The following PXDNL variants were observed in gnomAD, a reference collection of about 807,000 sequenced individuals.
The protein encoded by PXDNL is probable oxidoreductase PXDNL.
Under a neutral mutation model 150.8 loss-of-function variants are expected in PXDNL, and 145 were observed. The observed-to-expected ratio is 0.96, with a 90% CI of 0.84 to 1.10. The LOEUF is 1.10. Among genes scored for constraint, PXDNL ranks in the 50% least tolerant of loss-of-function variants. The pLI is 0.00. For missense variants in PXDNL, 2,087 were observed against 1,873.9 expected (o/e 1.11, Z -2.10); for synonymous variants, 757 against 725.7 (o/e 1.04, Z -0.69).
At chr8:51,809,089 T>C in intron 1 of PXDNL, 92 bp downstream of exon 1, 2 of 1,309,114 alleles carry the variant, frequency 1.5e-6, no homozygotes, top group South Asian at 1.3e-5. Context: ...AGGGAGAGCA[T>C]TAGGAATCGT....
intron 2 of PXDNL, among the ~76,000 whole-genome samples, chr8:51,640,387 T>C (rs1196246310): frequency 2.6e-5 from 4 of 152,128 alleles, no homozygotes; most frequent in Non-Finnish European, 1.5e-5. Context: ...TAAAGGGTAT[T>C]CAATTAGGAA....
chr8:51,584,685 A>G (rs1339271730), intron 3 of PXDNL, among the ~76,000 whole-genome samples: 1 of 152,178 alleles, frequency 6.6e-6, no homozygotes, highest in Non-Finnish European at 1.5e-5. Context: ...GCCACATACC[A>G]GGAACTTTAG....
intron 17 of PXDNL, among the ~76,000 whole-genome samples, chr8:51,399,415 T>A (rs1808180130): frequency 6.6e-6 from 1 of 152,202 alleles, no homozygotes; most frequent in Non-Finnish European, 1.5e-5. Flanking sequence ...ATATATGATC[T>A]ACAGGTGCAC....
intron 17 of PXDNL, among the ~76,000 whole-genome samples, chr8:51,381,488 G>T (rs1199059116): frequency 6.6e-6 from 1 of 152,090 alleles, no homozygotes; most frequent in East Asian, 1.9e-4. Flanking sequence ...CCCATGAAAA[G>T]ATATTAACAT....
At chr8:51,478,024 A>G (rs1409918475) in intron 6 of PXDNL, among the ~76,000 whole-genome samples, 1 of 152,190 alleles carries the variant, frequency 6.6e-6, no homozygotes, top group African/African-American at 2.4e-5. Flanking sequence ...ATAGTATAGT[A>G]TAAAAGTATA....
At chr8:51,549,092 A>T (rs1242226911) in intron 4 of PXDNL, among the ~76,000 whole-genome samples, 1 of 152,238 alleles carries the variant, frequency 6.6e-6, no homozygotes, top group Non-Finnish European at 1.5e-5. Context: ...AAGAGACATT[A>T]TATAATGCTA....
chr8:51,575,717 A>T (rs182015345), intron 3 of PXDNL, among the ~76,000 whole-genome samples: 177 of 152,226 alleles, frequency 1.2e-3, no homozygotes, highest in Non-Finnish European at 2.0e-3. Context: ...CTTCTCAAAA[A>T]GAAAAAGACA....
At chr8:51,602,625 C>G (rs76511739) in intron 2 of PXDNL, among the ~76,000 whole-genome samples, 12,743 of 151,722 alleles carry the variant, frequency 0.084, 860 homozygotes, top group African/African-American at 0.18. Context: ...TAGTTATTCT[C>G]AAAATTTATG....
intron 7 of PXDNL, among the ~76,000 whole-genome samples, chr8:51,474,305 C>G (rs1195900450): frequency 1.3e-5 from 2 of 152,010 alleles, no homozygotes; most frequent in Non-Finnish European, 2.9e-5. Context: ...AATAGAGATA[C>G]ATAGAGACAT....
chr8:51,385,081 A>G (rs1807658802), intron 17 of PXDNL, among the ~76,000 whole-genome samples: 1 of 152,172 alleles, frequency 6.6e-6, no homozygotes, highest in Non-Finnish European at 1.5e-5. Context: ...ATTCACATGT[A>G]TTGAACAATA....
intron 1 of PXDNL, among the ~76,000 whole-genome samples, chr8:51,697,484 C>T (rs925908600): frequency 6.6e-6 from 1 of 151,968 alleles, no homozygotes; most frequent in African/African-American, 2.4e-5. Context: ...ATGCCTGAAC[C>T]CTGCAGGCCA....
intron 20 of PXDNL, among the ~76,000 whole-genome samples, 172 bp downstream of exon 20, chr8:51,345,661 T>C (rs545793845): frequency 1.3e-5 from 2 of 152,246 alleles, no homozygotes; most frequent in Non-Finnish European, 2.9e-5. Flanking sequence ...CAGAGTGAAA[T>C]GGAACCCAAA....
chr8:51,747,674 T>C (rs2036999830), intron 1 of PXDNL, among the ~76,000 whole-genome samples: 1 of 152,186 alleles, frequency 6.6e-6, no homozygotes, highest in Admixed American at 6.5e-5. Context: ...CCAGAAACAC[T>C]TCCAGGCTAC....
At chr8:51,743,389 T>C (rs989574162) in intron 1 of PXDNL, among the ~76,000 whole-genome samples, 2 of 151,892 alleles carry the variant, frequency 1.3e-5, no homozygotes, top group African/African-American at 2.4e-5. Context: ...GGCTAATTTT[T>C]TTTTTTAAAG....
chr8:51,346,965 G>A (rs1007203223), intron 19 of PXDNL, among the ~76,000 whole-genome samples: 1 of 151,974 alleles, frequency 6.6e-6, no homozygotes, highest in Admixed American at 6.6e-5. Flanking sequence ...CAGATGGTCT[G>A]GAAACTAAGA....
At chr8:51,512,303 G>A (rs1811439829) in intron 4 of PXDNL, among the ~76,000 whole-genome samples, 2 of 152,200 alleles carry the variant, frequency 1.3e-5, no homozygotes, top group Admixed American at 1.3e-4. Context: ...TGTGAGGACA[G>A]GGGTAAGAAG....
chr8:51,487,044 C>A lies in PXDNL; in HGVS notation c.453-3330G>T, dbSNP rs561984601. ...TCTTGACCTCGTGATCGGCCCGCCC[C>A]GGCTTCCCAAAGTGCTGGGATTACA... On this transcript the variant is annotated intron_variant, in intron 5 of 22. Coordinates refer to ENST00000356297, the MANE Select transcript of PXDNL (RefSeq NM_144651.5). Among the ~76,000 whole-genome samples, 172 of 151,736 alleles carry A rather than the reference C, an allele frequency of 1.1e-3. 1 individual carries two copies. Among genetic ancestry groups the A allele is most frequent in the African/African-American group, 3.8e-3 (159 of 41,408 alleles).
chr8:51,436,381 C>G (rs537991700), intron 12 of PXDNL: 3 of 428,028 alleles, frequency 7.0e-6, no homozygotes, highest in South Asian at 3.6e-5. Context: ...TTCTCACTAC[C>G]AGGCACCAAA....
At chr8:51,340,322 G>A (rs1805950269) in intron 20 of PXDNL, 1 of 152,132 alleles carries the variant, frequency 6.6e-6, no homozygotes, top group Admixed American at 6.5e-5. Flanking sequence ...GTTTCTTTGA[G>A]TTTACTGAAA....
Sources: allele counts gnomAD v4.1 joint callset (sites outside exome capture counted in the v4.1 genomes callset), GRCh38; gene constraint gnomAD v4.1.1; transcripts MANE v1.5; gene names NCBI Gene and HGNC (gene_info 2026-07-23, HGNC 2026-07-21).